The following KCNIP4 variants were observed in gnomAD, a reference collection of about 807,000 sequenced individuals.
KCNIP4 encodes Kv channel-interacting protein 4.
KCNIP4 carries 12 observed loss-of-function variants against 34.0 expected under a neutral mutation model. That is an observed-to-expected ratio of 0.35 (90% CI 0.23 to 0.57). KCNIP4 has a LOEUF of 0.57. KCNIP4 is among the 20% of genes least tolerant of loss of function. The pLI, the probability that KCNIP4 is intolerant of heterozygous loss-of-function variation, is 0.83. For synonymous variants in KCNIP4, 124 were observed against 102.2 expected (o/e 1.21, Z -1.29); for missense variants, 238 against 311.7 (o/e 0.76, Z 1.78).
intron 1 of KCNIP4, among the ~76,000 whole-genome samples, chr4:21,727,382 A>T (rs191647957): frequency 6.6e-5 from 10 of 152,276 alleles, no homozygotes; most frequent in Middle Eastern, 6.8e-3. Flanking sequence ...AGAAACAGAC[A>T]GCAGCCCTCA....
At chr4:21,192,933 A>G (rs1212402256) in intron 1 of KCNIP4, among the ~76,000 whole-genome samples, 1 of 133,538 alleles carries the variant, frequency 7.5e-6, no homozygotes, top group Non-Finnish European at 1.5e-5. Context: ...TACTACTACT[A>G]CTACTACTAC....
At chr4:20,787,105 A>T (rs1712106128) in intron 3 of KCNIP4, among the ~76,000 whole-genome samples, 1 of 152,174 alleles carries the variant, frequency 6.6e-6, no homozygotes, top group Non-Finnish European at 1.5e-5. Flanking sequence ...TGCAATTGGC[A>T]AAGGGGCCCT....
intron 1 of KCNIP4, among the ~76,000 whole-genome samples, chr4:21,862,089 C>T (rs747788603): frequency 4.6e-5 from 7 of 152,138 alleles, no homozygotes; most frequent in African/African-American, 1.7e-4. Flanking sequence ...GTAGCCTGGA[C>T]CATACTCTCA....
In KCNIP4 at chr4:21,044,027, C is replaced by A. The variant is rs116004579; in HGVS notation, c.62-161318G>T. ...ATGTCATAATTCTGGAGTAGAAATT[C>A]TACTCCAGGGTCCTGGAGGCTTTGA... is the stretch of plus-strand genomic sequence containing the variant. On this transcript the variant is annotated intron_variant, in intron 1 of 8. Coordinates refer to ENST00000382152, the MANE Select transcript of KCNIP4 (RefSeq NM_025221.6). Among the ~76,000 whole-genome samples, 469 of 152,188 alleles carry A rather than the reference C, an allele frequency of 3.1e-3. 1 individual carries two copies. Among genetic ancestry groups the A allele is most frequent in the African/African-American group, 0.011 (445 of 41,528 alleles).
intron 1 of KCNIP4, among the ~76,000 whole-genome samples, chr4:21,625,069 T>C (rs1248968442): frequency 1.3e-5 from 2 of 152,106 alleles, no homozygotes; most frequent in African/African-American, 4.8e-5. Context: ...ACAGTGCTTT[T>C]CAGGGACAAA....
At chr4:21,806,999 C>G (rs1448818925) in intron 1 of KCNIP4, among the ~76,000 whole-genome samples, 2 of 151,924 alleles carry the variant, frequency 1.3e-5, no homozygotes, top group Non-Finnish European at 1.5e-5. Flanking sequence ...AGTGGGAGCC[C>G]TGAGCTTGTT....
At chr4:21,898,741 G>T (rs1727544330) in intron 1 of KCNIP4, among the ~76,000 whole-genome samples, 1 of 152,150 alleles carries the variant, frequency 6.6e-6, no homozygotes, top group South Asian at 2.1e-4. Flanking sequence ...AGAAGAAAGA[G>T]ACTTCTTCTG....
intron 1 of KCNIP4, among the ~76,000 whole-genome samples, chr4:21,277,468 C>A (rs1762509057): frequency 6.6e-6 from 1 of 151,984 alleles, no homozygotes; most frequent in Admixed American, 6.6e-5. Context: ...ATAAATGGAA[C>A]AAGAATAAGT....
intron 1 of KCNIP4, among the ~76,000 whole-genome samples, chr4:21,038,859 G>A (rs1039569880): frequency 6.6e-6 from 1 of 152,130 alleles, no homozygotes; most frequent in African/African-American, 2.4e-5. Flanking sequence ...ATTCCCAGCT[G>A]GAATCTCCAA....
intron 1 of KCNIP4, among the ~76,000 whole-genome samples, chr4:21,286,948 G>A (rs560520821): frequency 6.6e-6 from 1 of 152,222 alleles, no homozygotes; most frequent in South Asian, 2.1e-4. Context: ...AGACACCATT[G>A]TTTGGGATTA....
intron 1 of KCNIP4, among the ~76,000 whole-genome samples, chr4:21,264,880 T>C (rs914921681): frequency 3.3e-5 from 5 of 151,882 alleles, no homozygotes; most frequent in Admixed American, 3.3e-4. Context: ...GGTAGATCAC[T>C]TTAGGTCAGG....
chr4:20,729,841 T>C lies in KCNIP4; in HGVS notation c.*241A>G, dbSNP rs989401812. ...TATGCCAGATTCTATTACTTTTGAA[T>C]ATTCACAGAGTATGAAATGAGTTAG... On this transcript the variant is annotated 3_prime_UTR_variant, in exon 9 of 9. Transcript: ENST00000382152. The C allele has an allele frequency of 3.4e-5, 13 of 386,282 alleles. No individual in the cohort carries two copies. The highest frequency in any genetic ancestry group is 5.0e-5 in the Non-Finnish European group (11 of 217,932). The allele number at this position is 386,282 out of a possible 1,614,324, so 23.9% of individuals were successfully genotyped here. A position where few individuals can be genotyped will look rare whatever the true frequency, so the allele number is the denominator to read the frequency against.
At chr4:21,334,558 A>G (rs1409591397) in intron 1 of KCNIP4, among the ~76,000 whole-genome samples, 2 of 152,078 alleles carry the variant, frequency 1.3e-5, no homozygotes, top group Non-Finnish European at 2.9e-5. Flanking sequence ...ACTTAAGTGT[A>G]CAACTGAATG....
chr4:21,943,873 A>G (rs1730344600), intron 1 of KCNIP4, among the ~76,000 whole-genome samples: 2 of 152,024 alleles, frequency 1.3e-5, no homozygotes, highest in Admixed American at 6.6e-5. Context: ...GAAGGAAGAG[A>G]CAGATATAAA....
chr4:21,491,144 T>C (rs1732358862), intron 1 of KCNIP4, among the ~76,000 whole-genome samples: 1 of 152,154 alleles, frequency 6.6e-6, no homozygotes, highest in African/African-American at 2.4e-5. Context: ...CAATCTCCTT[T>C]GTTCTCCCTC....
chr4:20,816,998 T>C (rs1433761448), intron 3 of KCNIP4, among the ~76,000 whole-genome samples: 3 of 152,166 alleles, frequency 2.0e-5, no homozygotes, highest in African/African-American at 7.2e-5. Context: ...TTAGAGGCAT[T>C]CAAGGGAGTT....
At chr4:21,565,803 A>G (rs1739838936) in intron 1 of KCNIP4, among the ~76,000 whole-genome samples, 1 of 152,124 alleles carries the variant, frequency 6.6e-6, no homozygotes, top group Non-Finnish European at 1.5e-5. Flanking sequence ...GAGTGCAGAG[A>G]GCTCTAAAGA....
At chr4:20,818,122 T>C (rs151183407) in intron 3 of KCNIP4, among the ~76,000 whole-genome samples, 1,798 of 152,278 alleles carry the variant, frequency 0.012, 21 homozygotes, top group South Asian at 0.02. Context: ...TTTCTAATGA[T>C]TGCAATACCT....
intron 1 of KCNIP4, among the ~76,000 whole-genome samples, chr4:21,066,911 A>G (rs1443348299): frequency 6.6e-6 from 1 of 152,144 alleles, no homozygotes; most frequent in African/African-American, 2.4e-5. Context: ...CTGGTGAGAT[A>G]CCAGCCGGGA....
Sources: gnomAD v4.1 joint callset for allele counts (sites outside exome capture counted in the v4.1 genomes callset) on GRCh38, gnomAD v4.1.1 for gene constraint, MANE v1.5 for transcripts, NCBI Gene and HGNC (gene_info 2026-07-23, HGNC 2026-07-21) for gene names.